FARP2: variants seen among roughly 807,000 people sequenced by gnomAD.
FARP2 encodes FERM, ARH/RhoGEF and pleckstrin domain protein 2.
Under a neutral mutation model 130.5 loss-of-function variants are expected in FARP2, and 111 were observed. The ratio of observed to expected loss-of-function variants is 0.85; its 90% CI spans 0.73 to 1.00. The LOEUF (loss-of-function observed/expected upper bound fraction) is 1.00. Ranked by LOEUF, FARP2 falls within the 50% of genes least tolerant of loss-of-function variation. The pLI is 0.00. For missense variants in FARP2, 1,385 were observed against 1,346.3 expected (o/e 1.03, Z -0.45); for synonymous variants, 504 against 516.9 (o/e 0.98, Z 0.34).
At chr2:241,453,068 A>C (rs1027877010) in intron 13 of FARP2, among the ~76,000 whole-genome samples, 10 of 151,866 alleles carry the variant, frequency 6.6e-5, no homozygotes, top group African/African-American at 2.2e-4. Flanking sequence ...GGTGGCTCAC[A>C]CCTGTAATCC....
At chr2:241,404,931 AC>A in intron 4 of FARP2, 90 bp downstream of exon 4, 1 of 947,202 alleles carries the variant, frequency 1.1e-6, no homozygotes, top group Non-Finnish European at 1.7e-6. Context: ...GTTCATTCTC[AC>A]CACCGTGTAT....
chr2:241,414,075 C>T (rs1296919384), intron 7 of FARP2, among the ~76,000 whole-genome samples: 5 of 151,962 alleles, frequency 3.3e-5, no homozygotes, highest in Non-Finnish European at 7.4e-5. Context: ...GAGTCCTCTA[C>T]GGGGAAGACA....
rs558701257 is a variant in FARP2, at chr2:241,402,733, C to A, written c.184-1095C>A. Among the ~76,000 whole-genome samples the A allele has an allele frequency of 1.6e-4, 24 of 148,560 alleles. No individual in the cohort carries two copies. The East Asian group carries it at 4.1e-3, about 26-fold the overall frequency. On this transcript the variant is annotated intron_variant, in intron 2 of 26. Coordinates refer to ENST00000264042, the MANE Select transcript of FARP2 (RefSeq NM_014808.4). Reference sequence around the variant, plus strand: ...CCAAGGTGGAATGCAGTGGCACAATCTCAACTCACTGCAACCTCTGCCTCC... The same window carrying A: ...CCAAGGTGGAATGCAGTGGCACAATATCAACTCACTGCAACCTCTGCCTCC...
intron 1 of FARP2, among the ~76,000 whole-genome samples, chr2:241,371,385 G>T (rs2061421212): frequency 6.6e-6 from 1 of 152,246 alleles, no homozygotes. Flanking sequence ...GCCAGAGGCT[G>T]AGGTGGGAGA....
intron 2 of FARP2, among the ~76,000 whole-genome samples, chr2:241,376,417 A>C (rs533081062): frequency 1.4e-4 from 22 of 152,324 alleles, no homozygotes; most frequent in African/African-American, 5.3e-4. Flanking sequence ...TACCCTGACA[A>C]ATATTGCCAG....
At chr2:241,469,794 A>G (rs2064261084) in intron 18 of FARP2, among the ~76,000 whole-genome samples, 4 of 152,234 alleles carry the variant, frequency 2.6e-5, no homozygotes, top group Admixed American at 2.0e-4. Context: ...CACATCTACC[A>G]TGTGCTTGAG....
chr2:241,438,032 C>A (rs2063288654), intron 12 of FARP2, among the ~76,000 whole-genome samples: 1 of 152,120 alleles, frequency 6.6e-6, no homozygotes, highest in Non-Finnish European at 1.5e-5. Context: ...TGGTCTCGAA[C>A]TCCTGGCCTC....
chr2:241,431,987 A>T (rs2063104569), intron 9 of FARP2, among the ~76,000 whole-genome samples: 1 of 151,718 alleles, frequency 6.6e-6, no homozygotes, highest in Admixed American at 6.6e-5. Flanking sequence ...ACACCTGGCT[A>T]ATTTTGTATT....
intron 18 of FARP2, among the ~76,000 whole-genome samples, chr2:241,471,648 C>T (rs1250709114): frequency 1.3e-5 from 2 of 151,762 alleles, no homozygotes; most frequent in Admixed American, 6.6e-5. Context: ...CGCCCGACAC[C>T]ACGCCTGTCT....
intron 2 of FARP2, among the ~76,000 whole-genome samples, chr2:241,387,805 AAAAAG>A (rs2061823144): frequency 6.6e-6 from 1 of 151,920 alleles, no homozygotes; most frequent in East Asian, 1.9e-4. Flanking sequence ...AAAAAAAAAA[AAAAAG>A]AAAATTGTTT....
At chr2:241,454,048 T>C (rs568658956) in intron 13 of FARP2, among the ~76,000 whole-genome samples, 2 of 152,066 alleles carry the variant, frequency 1.3e-5, no homozygotes, top group South Asian at 4.2e-4. Context: ...CCTCCCAAAG[T>C]GTTGGGATTA....
At chr2:241,418,224 G>A (rs1415920953) in intron 8 of FARP2, 115 bp downstream of exon 8, 8 of 1,071,908 alleles carry the variant, frequency 7.5e-6, no homozygotes, top group African/African-American at 3.1e-5. Flanking sequence ...TACGGGCCTC[G>A]ATTTGGAAGA....
In FARP2 at chr2:241,491,619, G is replaced by A; in HGVS notation, c.2727G>A (p.Met909Ile). 1.2e-6 allele frequency: 2 copies of A among 1,613,676 alleles called. No homozygotes were observed. Among genetic ancestry groups the A allele is most frequent in the Non-Finnish European group, 1.7e-6 (2 of 1,179,954 alleles). The change falls in exon 24 of 27, where the codon ATG becomes ATA. Residue 909 changes from methionine to isoleucine, a missense_variant. Transcript: ENST00000264042. ...GHGQHRANTT[M>I]HVCWYRNTSV... ...GCCAGCACCGGGCCAACACCACAAT[G>A]CACGTGTGCTGGTACCGGAACACCA...
At chr2:241,435,095 G>A in intron 11 of FARP2, 65 bp downstream of exon 11, 1 of 918,004 alleles carries the variant, frequency 1.1e-6, no homozygotes, top group Non-Finnish European at 1.7e-6. Flanking sequence ...TATATATATG[G>A]AGAGAGAGCG....
intron 12 of FARP2, among the ~76,000 whole-genome samples, chr2:241,440,084 T>C (rs561539316): frequency 6.6e-6 from 1 of 152,268 alleles, no homozygotes; most frequent in African/African-American, 2.4e-5. Context: ...CATTTGAAAA[T>C]AGGTTAATCT....
At chr2:241,409,907 A>T (rs1367079524) in intron 5 of FARP2, among the ~76,000 whole-genome samples, 2 of 152,212 alleles carry the variant, frequency 1.3e-5, no homozygotes, top group Middle Eastern at 3.2e-3. Flanking sequence ...ACCTTTGTGA[A>T]CTATGGGAAT....
At chr2:241,366,971 G>T (rs1209424115) in intron 1 of FARP2, among the ~76,000 whole-genome samples, 2 of 152,028 alleles carry the variant, frequency 1.3e-5, no homozygotes, top group African/African-American at 4.8e-5. Flanking sequence ...TTTTTATTTG[G>T]TCTTTTTTAA....
chr2:241,428,101 T>C (rs2063000370), intron 8 of FARP2, among the ~76,000 whole-genome samples: 4 of 152,164 alleles, frequency 2.6e-5, no homozygotes, highest in Admixed American at 6.5e-5. Context: ...GTCCTGGATA[T>C]ATAAATAATA....
intron 18 of FARP2, among the ~76,000 whole-genome samples, chr2:241,472,437 A>G (rs2064346399): frequency 7.6e-6 from 1 of 132,282 alleles, no homozygotes; most frequent in African/African-American, 2.9e-5. Context: ...GTTCTGAGGG[A>G]GATTCTTTTC....
Sources: allele counts gnomAD v4.1 joint callset (sites outside exome capture counted in the v4.1 genomes callset), GRCh38; gene constraint gnomAD v4.1.1; transcripts MANE v1.5; gene names NCBI Gene and HGNC (gene_info 2026-07-23, HGNC 2026-07-21).